Variants in TENM4 observed in about 807,000 individuals in gnomAD.
TENM4 encodes teneurin-4.
A neutral mutation model predicts 243.3 loss-of-function variants in TENM4; 82 were observed. The observed-to-expected ratio is 0.34, with a 90% CI of 0.28 to 0.40. The LOEUF is 0.40. Among genes scored for constraint, TENM4 ranks in the 10% least tolerant of loss-of-function variants. TENM4 has a pLI of 1.00. For missense variants in TENM4, 3,138 were observed against 3,673.3 expected (o/e 0.85, Z 3.77); for synonymous variants, 1,412 against 1,456.3 (o/e 0.97, Z 0.69).
Position 78,658,047 on chromosome 11 carries a change from G to A in TENM4, c.*11C>T, listed in dbSNP as rs758035305. Reference sequence around the variant, plus strand: ...TAGCTGTCTTTGGCAAGAAGTCCTTGGTCCTCTCTGTCACCTCCGGCCCAT... The same window carrying A: ...TAGCTGTCTTTGGCAAGAAGTCCTTAGTCCTCTCTGTCACCTCCGGCCCAT... On this transcript the variant is annotated 3_prime_UTR_variant, in exon 34 of 34. Coordinates refer to ENST00000278550, the MANE Select transcript of TENM4 (RefSeq NM_001098816.3). 2.5e-6 allele frequency: 4 copies of A among 1,610,956 alleles called. No individual in the cohort carries two copies. The East Asian group carries it at 6.7e-5, about 27-fold the overall frequency.
intron 18 of TENM4, among the ~76,000 whole-genome samples, chr11:78,761,997 C>T (rs1856440461): frequency 6.6e-6 from 1 of 152,132 alleles, no homozygotes; most frequent in African/African-American, 2.4e-5. Flanking sequence ...TTCTAGAATC[C>T]AGGGCTCCCT....
At chr11:79,402,498 C>T (rs1173971565) in intron 1 of TENM4, among the ~76,000 whole-genome samples, 1 of 152,124 alleles carries the variant, frequency 6.6e-6, no homozygotes, top group Non-Finnish European at 1.5e-5. Context: ...TGTGTGGTTT[C>T]CCATCCAATT....
At chr11:79,156,196 G>A (rs1189616943) in intron 3 of TENM4, among the ~76,000 whole-genome samples, 1 of 152,170 alleles carries the variant, frequency 6.6e-6, no homozygotes, top group Non-Finnish European at 1.5e-5. Context: ...TTGCACTGTG[G>A]CTCCGGCCAC....
chr11:78,853,592 A>C (rs1262039220), intron 12 of TENM4, among the ~76,000 whole-genome samples: 1 of 152,144 alleles, frequency 6.6e-6, no homozygotes, highest in Non-Finnish European at 1.5e-5. Context: ...CCCCAGTCTG[A>C]CTGATGGCAT....
chr11:79,312,226 G>A (rs1280209871), intron 1 of TENM4, among the ~76,000 whole-genome samples: 5 of 152,120 alleles, frequency 3.3e-5, no homozygotes, highest in Non-Finnish European at 7.3e-5. Context: ...TATGTGGCTT[G>A]CCCCTCAACA....
Position 78,899,565 on chromosome 11 carries a change from G to A in TENM4, c.749+3703C>T, listed in dbSNP as rs1049846872. Among the ~76,000 whole-genome samples, 3 of 134,058 alleles carry A rather than the reference G, an allele frequency of 2.2e-5. 1 individual carries two copies. The highest frequency in any genetic ancestry group is 6.0e-4 in the South Asian group (2 of 3,360). 87.9% of individuals were successfully genotyped at this position (134,058 alleles called of 152,430 possible). On this transcript the variant is annotated intron_variant, in intron 7 of 33. Coordinates refer to ENST00000278550, the MANE Select transcript of TENM4 (RefSeq NM_001098816.3). Reference sequence around the variant, plus strand: ...TGCACTCTGTCTCAAAAAGCGGGGGGGGGGGGAAAAAGAAAAAAGAAAGAA... The same window carrying A: ...TGCACTCTGTCTCAAAAAGCGGGGGAGGGGGGAAAAAGAAAAAAGAAAGAA...
chr11:79,105,006 G>A (rs1424888532), intron 4 of TENM4, among the ~76,000 whole-genome samples: 1 of 152,128 alleles, frequency 6.6e-6, no homozygotes, highest in Non-Finnish European at 1.5e-5. Flanking sequence ...ATTTTAAAAG[G>A]TTTTAGAATA....
intron 4 of TENM4, among the ~76,000 whole-genome samples, chr11:79,129,546 GC>G (rs1261217607): frequency 6.6e-6 from 1 of 152,218 alleles, no homozygotes; most frequent in African/African-American, 2.4e-5. Context: ...GGTAGGGAGA[GC>G]ATGGTGGGAG....
intron 1 of TENM4, among the ~76,000 whole-genome samples, chr11:79,366,001 C>T (rs148790290): frequency 4.7e-4 from 72 of 152,270 alleles, no homozygotes; most frequent in African/African-American, 1.6e-3. Flanking sequence ...ATGCTTAGGT[C>T]AAAGGTCATG....
intron 1 of TENM4, among the ~76,000 whole-genome samples, chr11:79,323,841 C>G (rs1856930917): frequency 6.6e-6 from 1 of 152,040 alleles, no homozygotes; most frequent in South Asian, 2.1e-4. Flanking sequence ...TCGTGTGAGT[C>G]AATTCCATAA....
intron 1 of TENM4, among the ~76,000 whole-genome samples, chr11:79,333,925 C>T (rs1857104864): frequency 6.6e-6 from 1 of 152,196 alleles, no homozygotes; most frequent in Non-Finnish European, 1.5e-5. Context: ...GGGTTTCACA[C>T]TTGTACCTGT....
At chr11:79,215,089 C>T (rs1864023793) in intron 3 of TENM4, among the ~76,000 whole-genome samples, 2 of 152,194 alleles carry the variant, frequency 1.3e-5, no homozygotes, top group South Asian at 2.1e-4. Context: ...AGGCCATACT[C>T]CCTCTTCCCT....
chr11:79,108,635 T>C (rs565654723), intron 4 of TENM4, among the ~76,000 whole-genome samples: 1 of 152,242 alleles, frequency 6.6e-6, no homozygotes, highest in African/African-American at 2.4e-5. Context: ...CCGATGAGCA[T>C]AATGTACCTC....
chr11:79,106,966 T>C (rs1366109279), intron 4 of TENM4, among the ~76,000 whole-genome samples: 1 of 152,214 alleles, frequency 6.6e-6, no homozygotes, highest in Non-Finnish European at 1.5e-5. Context: ...ATTTATCAAA[T>C]AAGTATGCAG....
intron 1 of TENM4, among the ~76,000 whole-genome samples, chr11:79,315,363 G>C (rs953216240): frequency 6.6e-6 from 1 of 152,150 alleles, no homozygotes; most frequent in Non-Finnish European, 1.5e-5. Context: ...GTGTAGAAAA[G>C]AGAAAAAGGG....
chr11:79,157,789 A>G (rs901276891), intron 3 of TENM4, among the ~76,000 whole-genome samples: 2 of 152,108 alleles, frequency 1.3e-5, no homozygotes, highest in African/African-American at 4.8e-5. Context: ...TGTATTGGTA[A>G]ATTCTGTCTG....
intron 1 of TENM4, among the ~76,000 whole-genome samples, chr11:79,309,041 G>T (rs1038625429): frequency 6.6e-6 from 1 of 152,042 alleles, no homozygotes; most frequent in South Asian, 2.1e-4. Flanking sequence ...AAGATAATAA[G>T]GAGGGGTGGG....
chr11:78,891,958 G>A (rs1269563188), intron 7 of TENM4, among the ~76,000 whole-genome samples: 1 of 152,174 alleles, frequency 6.6e-6, no homozygotes, highest in African/African-American at 2.4e-5. Context: ...CCATCCCTAG[G>A]GATTCTGTCA....
At chr11:79,316,403 C>T (rs1433804799) in intron 1 of TENM4, among the ~76,000 whole-genome samples, 1 of 152,064 alleles carries the variant, frequency 6.6e-6, no homozygotes, top group South Asian at 2.1e-4. Context: ...GAATGAATAT[C>T]AAATGATGGA....
Sources: gnomAD v4.1 joint callset for allele counts (sites outside exome capture counted in the v4.1 genomes callset) on GRCh38, gnomAD v4.1.1 for gene constraint, MANE v1.5 for transcripts, NCBI Gene and HGNC (gene_info 2026-07-23, HGNC 2026-07-21) for gene names.